Variants in KCNIP4 observed in about 807,000 individuals in gnomAD.
The protein encoded by KCNIP4 is Kv channel-interacting protein 4.
In KCNIP4, 12 loss-of-function variants were observed where a neutral mutation model predicts 34.0. That is an observed-to-expected ratio of 0.35 (90% CI 0.23 to 0.57). The LOEUF is 0.57. KCNIP4 is among the 20% of genes least tolerant of loss of function. The pLI, the probability that KCNIP4 is intolerant of heterozygous loss-of-function variation, is 0.83. For synonymous variants in KCNIP4, 124 were observed against 102.2 expected (o/e 1.21, Z -1.29); for missense variants, 238 against 311.7 (o/e 0.76, Z 1.78).
chr4:21,465,283 C>T (rs62295502), intron 1 of KCNIP4, among the ~76,000 whole-genome samples: 1 of 152,150 alleles, frequency 6.6e-6, no homozygotes, highest in African/African-American at 2.4e-5. Context: ...GCCAATCCTA[C>T]TGACAGCAGC....
At chr4:21,504,729 T>C (rs1165954354) in intron 1 of KCNIP4, among the ~76,000 whole-genome samples, 1 of 152,154 alleles carries the variant, frequency 6.6e-6, no homozygotes, top group Non-Finnish European at 1.5e-5. Flanking sequence ...CGGGATACTA[T>C]CAGATGATAT....
At chr4:21,085,471 A>G (rs1198432371) in intron 1 of KCNIP4, among the ~76,000 whole-genome samples, 2 of 152,150 alleles carry the variant, frequency 1.3e-5, no homozygotes, top group African/African-American at 4.8e-5. Flanking sequence ...ACTGAAGTCT[A>G]TTTCATTATT....
chr4:20,804,164 C>T (rs1311274166), intron 3 of KCNIP4, among the ~76,000 whole-genome samples: 1 of 152,156 alleles, frequency 6.6e-6, no homozygotes, highest in East Asian at 1.9e-4. Flanking sequence ...CATGCTTTAT[C>T]TCTCATTTCC....
At chr4:21,459,546 C>A (rs943085991) in intron 1 of KCNIP4, among the ~76,000 whole-genome samples, 1 of 151,964 alleles carries the variant, frequency 6.6e-6, no homozygotes, top group Non-Finnish European at 1.5e-5. Context: ...AAAAGTATAG[C>A]TCCTCTTAGG....
intron 1 of KCNIP4, among the ~76,000 whole-genome samples, chr4:21,144,988 A>C (rs1314148743): frequency 6.6e-6 from 1 of 152,202 alleles, no homozygotes; most frequent in Non-Finnish European, 1.5e-5. Context: ...GGAAAAAAAA[A>C]AATAGTAATA....
intron 1 of KCNIP4, among the ~76,000 whole-genome samples, chr4:21,044,557 G>A (rs1318312676): frequency 7.2e-5 from 11 of 151,958 alleles, no homozygotes; most frequent in South Asian, 2.1e-4. Context: ...TGATCCACCC[G>A]CCTTGGCCTC....
chr4:21,343,587 G>A (rs1349710812), intron 1 of KCNIP4, among the ~76,000 whole-genome samples: 2 of 152,106 alleles, frequency 1.3e-5, no homozygotes, highest in Non-Finnish European at 2.9e-5. Context: ...GTCTATGAAA[G>A]TCTTTACCAG....
chr4:21,587,905 T>C (rs1741772449), intron 1 of KCNIP4, among the ~76,000 whole-genome samples: 1 of 152,068 alleles, frequency 6.6e-6, no homozygotes, highest in South Asian at 2.1e-4. Context: ...CAATGTTTAT[T>C]TGAGCACCTC....
intron 5 of KCNIP4, among the ~76,000 whole-genome samples, chr4:20,737,888 T>C (rs552779376): frequency 6.6e-6 from 1 of 152,220 alleles, no homozygotes; most frequent in African/African-American, 2.4e-5. Context: ...TCCCAGCACT[T>C]TGGGTGGTGG....
chr4:21,563,996 T>C (rs1450303224), intron 1 of KCNIP4, among the ~76,000 whole-genome samples: 3 of 152,112 alleles, frequency 2.0e-5, no homozygotes, highest in Non-Finnish European at 4.4e-5. Flanking sequence ...TACTAAGCAA[T>C]TAATATATCT....
intron 1 of KCNIP4, among the ~76,000 whole-genome samples, chr4:21,683,052 A>T (rs895085072): frequency 6.6e-6 from 1 of 152,258 alleles, no homozygotes; most frequent in Non-Finnish European, 1.5e-5. Context: ...ATTTGTAAAA[A>T]ATGCAGTATC....
In KCNIP4 at chr4:21,863,015, A is replaced by AT. The variant is rs561845662; in HGVS notation, c.61+85555dup. 2.6e-3 allele frequency among the ~76,000 whole-genome samples: 389 copies of AT among 151,670 alleles called. 1 individual carries two copies. Among genetic ancestry groups the AT allele is most frequent in the Admixed American group, 3.9e-3 (60 of 15,196 alleles). ...AATTCTCAAACATTCACCTTAAGTG[A>AT]TTTTTTTTCCCATACTTTGGTACTG... On this transcript the variant is annotated intron_variant, in intron 1 of 8. Transcript: ENST00000382152.
chr4:20,910,409 C>G (rs1386784792), intron 1 of KCNIP4, among the ~76,000 whole-genome samples: 1 of 152,120 alleles, frequency 6.6e-6, no homozygotes, highest in Non-Finnish European at 1.5e-5. Context: ...CCCAACAGAT[C>G]TATCACACTG....
At chr4:21,261,632 TCCCAGTCACTATA>T (rs1273432122) in intron 1 of KCNIP4, among the ~76,000 whole-genome samples, 1 of 152,196 alleles carries the variant, frequency 6.6e-6, no homozygotes, top group Non-Finnish European at 1.5e-5. Flanking sequence ...CACCCCATTC[TCCCAGTCACTATA>T]CCCAGAAACC....
chr4:21,012,331 C>T (rs550364542), intron 1 of KCNIP4, among the ~76,000 whole-genome samples: 11 of 152,136 alleles, frequency 7.2e-5, no homozygotes, highest in South Asian at 4.1e-4. Flanking sequence ...GTAATCCCAG[C>T]GCTTTAGGAG....
At chr4:21,937,431 C>T (rs1030764135) in intron 1 of KCNIP4, among the ~76,000 whole-genome samples, 4 of 151,940 alleles carry the variant, frequency 2.6e-5, no homozygotes, top group Admixed American at 1.3e-4. Flanking sequence ...CTAATGGGAC[C>T]GCCTCCTCAT....
intron 1 of KCNIP4, among the ~76,000 whole-genome samples, chr4:21,309,623 G>A (rs1712905239): frequency 6.6e-6 from 1 of 152,132 alleles, no homozygotes; most frequent in African/African-American, 2.4e-5. Context: ...TTATTTCACT[G>A]TATCCTCTGT....
intron 1 of KCNIP4, among the ~76,000 whole-genome samples, chr4:21,352,671 C>G (rs1408632154): frequency 6.6e-6 from 1 of 152,260 alleles, no homozygotes; most frequent in Non-Finnish European, 1.5e-5. Context: ...GGCCTGCTGC[C>G]TCTATAGATT....
At chr4:21,792,356 A>T (rs1029584711) in intron 1 of KCNIP4, among the ~76,000 whole-genome samples, 9 of 152,172 alleles carry the variant, frequency 5.9e-5, no homozygotes, top group Admixed American at 1.3e-4. Flanking sequence ...TGCTTCTGTG[A>T]TGTTAATTTT....
Sources: allele counts gnomAD v4.1 joint callset (sites outside exome capture counted in the v4.1 genomes callset), GRCh38; gene constraint gnomAD v4.1.1; transcripts MANE v1.5; gene names NCBI Gene and HGNC (gene_info 2026-07-23, HGNC 2026-07-21).